NALF1: variants seen among roughly 807,000 people sequenced by gnomAD.
NALF1 encodes family with sequence similarity 155 member A.
In NALF1, 3 loss-of-function variants were observed where a neutral mutation model predicts 48.4. The observed-to-expected ratio is 0.06, with a 90% CI of 0.03 to 0.16. NALF1 has a LOEUF of 0.16. Ranked by LOEUF, NALF1 falls within the 10% of genes least tolerant of loss-of-function variation. NALF1 has a pLI of 1.00. For missense variants in NALF1, 526 were observed against 571.5 expected, an observed-to-expected ratio of 0.92 and a Z score of 0.81; for synonymous variants, 262 against 245.7, an observed-to-expected ratio of 1.07 and a Z score of -0.62.
At chr13:107,656,136 C>CA (rs200501399) in intron 1 of NALF1, among the ~76,000 whole-genome samples, 2,659 of 122,654 alleles carry the variant, frequency 0.022, 75 homozygotes, top group African/African-American at 0.072. Flanking sequence ...AAGGCAAATG[C>CA]AAAAAAAAAA....
At chr13:107,464,227 A>T (rs1247807224) in intron 1 of NALF1, among the ~76,000 whole-genome samples, 1 of 41,688 alleles carries the variant, frequency 2.4e-5, no homozygotes, top group Non-Finnish European at 5.9e-5. Flanking sequence ...AACTCACATT[A>T]AAAAAAAACT....
intron 1 of NALF1, among the ~76,000 whole-genome samples, chr13:107,358,168 ATGTG>A (rs59782928): frequency 0.013 from 1,900 of 143,916 alleles, 42 homozygotes; most frequent in African/African-American, 0.047. Context: ...TACGTAACAT[ATGTG>A]TGTGTGTGTG....
At chr13:107,805,467 A>G (rs1216976727) in intron 1 of NALF1, among the ~76,000 whole-genome samples, 1 of 152,162 alleles carries the variant, frequency 6.6e-6, no homozygotes, top group Non-Finnish European at 1.5e-5. Context: ...TTACTCCTTA[A>G]TAATTGGAAA....
intron 1 of NALF1, among the ~76,000 whole-genome samples, chr13:107,294,809 CTTAAG>C (rs147594427): frequency 5.9e-4 from 90 of 152,204 alleles, no homozygotes; most frequent in Middle Eastern, 6.8e-3. Context: ...ACCTAACTTC[CTTAAG>C]TTAAGGATAA....
intron 1 of NALF1, among the ~76,000 whole-genome samples, chr13:107,631,077 G>A (rs535190635): frequency 3.9e-5 from 6 of 152,130 alleles, no homozygotes; most frequent in East Asian, 1.9e-4. Flanking sequence ...CACCATCATG[G>A]CTCACTACCT....
At chr13:107,213,245 A>AAAAAAG (rs1411951063) in intron 1 of NALF1, among the ~76,000 whole-genome samples, 1 of 150,692 alleles carries the variant, frequency 6.6e-6, no homozygotes, top group African/African-American at 2.4e-5. Flanking sequence ...AAAAAAAAAA[A>AAAAAAG]AAAAAGAAAA....
Position 107,695,527 on chromosome 13 carries a change from C to G in NALF1, c.915+170155G>C, listed in dbSNP as rs138578282. Among the ~76,000 whole-genome samples the G allele has an allele frequency of 2.3e-3, 357 of 152,216 alleles. 5 individuals are homozygous for G. The highest frequency in any genetic ancestry group is 8.2e-3 in the African/African-American group (342 of 41,540). ...ACCCAAATGATTTTGCTTATTCCTT[C>G]CTACTTAGACACCTACCTAATTTAA... On this transcript the variant is annotated intron_variant, in intron 1 of 2. Coordinates refer to ENST00000375915, the MANE Select transcript of NALF1 (RefSeq NM_001080396.3).
chr13:107,183,018 G>A (rs1879099272), intron 2 of NALF1, among the ~76,000 whole-genome samples: 1 of 152,196 alleles, frequency 6.6e-6, no homozygotes, highest in Non-Finnish European at 1.5e-5. Context: ...GGTATTGTAT[G>A]GCCATGAGAA....
intron 1 of NALF1, among the ~76,000 whole-genome samples, chr13:107,628,036 C>T (rs1257860621): frequency 6.6e-6 from 1 of 152,086 alleles, no homozygotes; most frequent in Non-Finnish European, 1.5e-5. Flanking sequence ...ACTCATAAAT[C>T]TGAAAATGGA....
At chr13:107,279,784 A>G (rs1051691549) in intron 1 of NALF1, among the ~76,000 whole-genome samples, 6 of 152,084 alleles carry the variant, frequency 3.9e-5, no homozygotes, top group African/African-American at 1.2e-4. Flanking sequence ...ATCAAACCCC[A>G]TGATCTCCCT....
rs373286545 is a variant in NALF1 at position 107,515,611 on chromosome 13, T to C, written c.916-304856A>G. On this transcript the variant is annotated intron_variant, in intron 1 of 2. Transcript: ENST00000375915. ...TCTTATCTGTTCTCATTACTAATAA[T>C]AACCAGGTATTCTTACGCATGTATT... Among the ~76,000 whole-genome samples, 5 of 152,304 alleles carry C rather than the reference T, an allele frequency of 3.3e-5. No individual in the cohort carries two copies. The East Asian group carries it at 5.8e-4, about 18-fold the overall frequency.
rs545114789 is a variant in NALF1, at chr13:107,771,775, T to C, written c.915+93907A>G. Among the ~76,000 whole-genome samples, 9 of 152,248 alleles carry C rather than the reference T, an allele frequency of 5.9e-5. No individual in the cohort carries two copies. The South Asian group carries it at 1.9e-3, about 32-fold the overall frequency. ...CTTTTTTTGACGGAGTCTCGCTCTA[T>C]CGCCAGGCTGGAGTGCAGTGGCGCG... On this transcript the variant is annotated intron_variant, in intron 1 of 2. Coordinates refer to ENST00000375915, the MANE Select transcript of NALF1 (RefSeq NM_001080396.3).
At chr13:107,504,616 G>A (rs1176877625) in intron 1 of NALF1, among the ~76,000 whole-genome samples, 1 of 152,014 alleles carries the variant, frequency 6.6e-6, no homozygotes. Flanking sequence ...CAAAGTTCTT[G>A]ATACCGGTAT....
At chr13:107,621,866 C>T (rs1879525115) in intron 1 of NALF1, among the ~76,000 whole-genome samples, 1 of 152,134 alleles carries the variant, frequency 6.6e-6, no homozygotes, top group African/African-American at 2.4e-5. Context: ...ATAACTGAGT[C>T]GGGCAGGGCT....
intron 1 of NALF1, among the ~76,000 whole-genome samples, chr13:107,664,519 G>C (rs144728932): frequency 6.6e-6 from 1 of 152,026 alleles, no homozygotes; most frequent in Non-Finnish European, 1.5e-5. Context: ...CTATGGTGAC[G>C]CCCTCTAAGG....
At chr13:107,369,935 T>C (rs1883219773) in intron 1 of NALF1, among the ~76,000 whole-genome samples, 1 of 152,142 alleles carries the variant, frequency 6.6e-6, no homozygotes, top group South Asian at 2.1e-4. Flanking sequence ...AAAGGAGAAA[T>C]AGAAAATATA....
chr13:107,754,354 AACACACACACACACACACACACAC>A lies in NALF1; in HGVS notation c.915+111304_915+111327del, dbSNP rs6145234. On this transcript the variant is annotated intron_variant, in intron 1 of 2. Transcript: ENST00000375915. ...AGGAATTGTATTTTTGTACATTGTGAACACACACACACACACACACACACACACACACACACACACACACCATAT... is the reference window on the plus strand; with the variant it reads ...AGGAATTGTATTTTTGTACATTGTGAACACACACACACACACACACCATAT... Among the ~76,000 whole-genome samples, 89 of 142,412 alleles carry A rather than the reference AACACACACACACACACACACACAC, an allele frequency of 6.2e-4. 1 individual carries two copies. In the South Asian group the frequency reaches 0.016, roughly 26 times the overall value. 93.4% of individuals were successfully genotyped at this position (142,412 alleles called of 152,430 possible).
intron 1 of NALF1, among the ~76,000 whole-genome samples, chr13:107,488,098 G>A (rs1885358077): frequency 6.6e-6 from 1 of 151,550 alleles, no homozygotes; most frequent in South Asian, 2.1e-4. Context: ...TTGTATTTCT[G>A]TGGGGTCAGC....
intron 1 of NALF1, among the ~76,000 whole-genome samples, chr13:107,483,805 T>C (rs113415318): frequency 7.2e-6 from 1 of 139,126 alleles, no homozygotes; most frequent in Admixed American, 7.3e-5. Flanking sequence ...GCATTAAATA[T>C]AAATTAATAT....
Sources: allele counts gnomAD v4.1 joint callset (sites outside exome capture counted in the v4.1 genomes callset), GRCh38; gene constraint gnomAD v4.1.1; transcripts MANE v1.5; gene names NCBI Gene and HGNC (gene_info 2026-07-23, HGNC 2026-07-21).